Variants in PTPN14 observed in about 807,000 individuals in gnomAD.
PTPN14 encodes tyrosine-protein phosphatase non-receptor type 14.
PTPN14 carries 53 observed loss-of-function variants against 126.8 expected under a neutral mutation model. The ratio of observed to expected loss-of-function variants is 0.42; its 90% CI spans 0.34 to 0.53. The LOEUF (loss-of-function observed/expected upper bound fraction) is 0.53, where lower values mean the gene tolerates loss of function less well. Among genes scored for constraint, PTPN14 ranks in the 20% least tolerant of loss-of-function variants. The probability of loss-of-function intolerance (pLI) is 0.08; values close to 1 mark genes in which losing one functional copy is unlikely to be tolerated. For synonymous variants in PTPN14, 630 were observed against 599.3 expected (o/e 1.05, Z -0.75); for missense variants, 1,257 against 1,552.9 (o/e 0.81, Z 3.20).
At chr1:214,474,624 G>T (rs1192797904) in intron 1 of PTPN14, among the ~76,000 whole-genome samples, 2 of 152,184 alleles carry the variant, frequency 1.3e-5, no homozygotes, top group African/African-American at 2.4e-5. Flanking sequence ...ACATTTTTAA[G>T]TAAGTCCCAT....
intron 15 of PTPN14, among the ~76,000 whole-genome samples, chr1:214,373,441 TATATGAAC>T (rs1658265769): frequency 6.6e-6 from 1 of 152,142 alleles, no homozygotes; most frequent in African/African-American, 2.4e-5. Context: ...TAGATGCATA[TATATGAAC>T]ATGTATAACT....
intron 1 of PTPN14, among the ~76,000 whole-genome samples, chr1:214,481,024 G>A (rs1472102579): frequency 6.6e-6 from 1 of 152,134 alleles, no homozygotes; most frequent in Non-Finnish European, 1.5e-5. Context: ...TAGGGCTCAG[G>A]ATAATCTACA....
intron 1 of PTPN14, among the ~76,000 whole-genome samples, chr1:214,526,361 A>T (rs60961360): frequency 0.016 from 2,490 of 152,290 alleles, 23 homozygotes; most frequent in South Asian, 0.029. Flanking sequence ...TACCAACAGT[A>T]ATTCAAATAC....
At chr1:214,426,847 G>T (rs72757978) in intron 3 of PTPN14, among the ~76,000 whole-genome samples, 5,496 of 152,296 alleles carry the variant, frequency 0.036, 153 homozygotes, top group Admixed American at 0.057. Flanking sequence ...GTCAGTGGCT[G>T]TACGGGGCAC....
At chr1:214,460,485 A>G (rs1374775217) in intron 2 of PTPN14, among the ~76,000 whole-genome samples, 1 of 147,470 alleles carries the variant, frequency 6.8e-6, no homozygotes, top group Admixed American at 6.8e-5. Flanking sequence ...ACACACACAG[A>G]TCAATGCAAG....
At chr1:214,526,708 T>C (rs1655408957) in intron 1 of PTPN14, among the ~76,000 whole-genome samples, 1 of 152,150 alleles carries the variant, frequency 6.6e-6, no homozygotes. Flanking sequence ...AGGTTTAGTT[T>C]AGGTTTGAGA....
chr1:214,529,048 G>T (rs1655474171), intron 1 of PTPN14: 1 of 152,028 alleles, frequency 6.6e-6, no homozygotes, highest in African/African-American at 2.4e-5. Flanking sequence ...CACACCTGTA[G>T]CTCTAAGACT....
At chr1:214,504,896 G>A (rs991284809) in intron 1 of PTPN14, among the ~76,000 whole-genome samples, 6 of 152,180 alleles carry the variant, frequency 3.9e-5, no homozygotes, top group African/African-American at 1.4e-4. Context: ...ACTGCATAAA[G>A]AGGGTGAAGG....
intron 1 of PTPN14, among the ~76,000 whole-genome samples, chr1:214,517,194 A>G (rs958892229): frequency 6.6e-6 from 1 of 152,182 alleles, no homozygotes. Context: ...CTTCTGCCTC[A>G]AGGACATGGT....
At chr1:214,446,583 A>C (rs1256578273) in intron 3 of PTPN14, among the ~76,000 whole-genome samples, 1 of 152,210 alleles carries the variant, frequency 6.6e-6, no homozygotes, top group Non-Finnish European at 1.5e-5. Flanking sequence ...TGTCACTCTC[A>C]AATTTTTGTT....
At chr1:214,399,637 C>G (rs191659832) in intron 7 of PTPN14, among the ~76,000 whole-genome samples, 1 of 152,190 alleles carries the variant, frequency 6.6e-6, no homozygotes, top group East Asian at 1.9e-4. Context: ...GCTACCATCT[C>G]TGGCCCTTTC....
intron 2 of PTPN14, 95 bp from the exon 3 acceptor site, chr1:214,452,069 T>G (rs1214112508): frequency 9.3e-6 from 13 of 1,394,574 alleles, no homozygotes; most frequent in Non-Finnish European, 1.2e-5. Flanking sequence ...CATCCCACCC[T>G]GGGTTCCCCA....
rs771468587 is a variant in PTPN14 at position 214,364,488 on chromosome 1, G to A, written c.3435+24C>T. ...GACTTGTCCCCAAGGTGGAGTATCCGGAGAGAAGCCCAGAATGACTCACTT... is the reference window on the plus strand; with the variant it reads ...GACTTGTCCCCAAGGTGGAGTATCCAGAGAGAAGCCCAGAATGACTCACTT... On this transcript the variant is annotated intron_variant, in intron 18 of 18. Coordinates refer to ENST00000366956, the MANE Select transcript of PTPN14 (RefSeq NM_005401.5). The surrounding 1 kb of genome is among the most constrained non-coding windows in gnomAD (Gnocchi z 4.1). 2.6e-5 allele frequency: 42 copies of A among 1,609,774 alleles called. No homozygotes were observed. The highest frequency in any genetic ancestry group is 6.7e-5 in the East Asian group (3 of 44,798).
intron 1 of PTPN14, among the ~76,000 whole-genome samples, chr1:214,501,352 G>T (rs1465812275): frequency 6.6e-6 from 1 of 152,048 alleles, no homozygotes; most frequent in Admixed American, 6.5e-5. Flanking sequence ...TGATTCTCCT[G>T]CCTCAGCCTC....
chr1:214,358,941 G>C (rs559269663), intron 18 of PTPN14, among the ~76,000 whole-genome samples: 1 of 151,316 alleles, frequency 6.6e-6, no homozygotes, highest in Admixed American at 6.6e-5. Flanking sequence ...ACAGGGTTTC[G>C]TCCTGTTGGC....
chr1:214,513,211 A>G (rs1655019270), intron 1 of PTPN14, among the ~76,000 whole-genome samples: 2 of 152,186 alleles, frequency 1.3e-5, no homozygotes, highest in African/African-American at 4.8e-5. Flanking sequence ...TGTAAGTGTA[A>G]TGCAGTCCAC....
intron 1 of PTPN14, chr1:214,532,884 G>C (rs1655590056): frequency 3.9e-6 from 4 of 1,029,080 alleles, no homozygotes; most frequent in African/African-American, 1.6e-5. Context: ...TGACCATGGA[G>C]GTTGATGCCC....
Position 214,349,702 on chromosome 1 carries a change from C to T in PTPN14, c.*8220G>A, listed in dbSNP as rs1657666206. 1 of 152,176 alleles carries T rather than the reference C, an allele frequency of 6.6e-6. No homozygotes were observed. The highest frequency in any genetic ancestry group is 2.4e-5 in the African/African-American group (1 of 41,434). 9.4% of individuals were successfully genotyped at this position (152,176 alleles called of 1,614,324 possible). On this transcript the variant is annotated 3_prime_UTR_variant, in exon 19 of 19. Transcript: ENST00000366956. ...GGAACAAAGGACATACATAGGAACT[C>T]ATCTCTGATGAAGAGTAGCTTTATG...
At chr1:214,544,078 CATA>C (rs1170152605) in intron 1 of PTPN14, among the ~76,000 whole-genome samples, 1 of 152,118 alleles carries the variant, frequency 6.6e-6, no homozygotes, top group Non-Finnish European at 1.5e-5. Context: ...GGTAAACAAG[CATA>C]ATATGGTAAA....
Sources: allele counts gnomAD v4.1 joint callset (sites outside exome capture counted in the v4.1 genomes callset), GRCh38; gene constraint gnomAD v4.1.1; non-coding constraint Gnocchi (gnomAD v3.1); transcripts MANE v1.5; gene names NCBI Gene and HGNC (gene_info 2026-07-23, HGNC 2026-07-21).